Variants in SCFD1 observed in about 807,000 individuals in gnomAD.
The protein encoded by SCFD1 is sec1 family domain containing 1.
A neutral mutation model predicts 103.2 loss-of-function variants in SCFD1; 37 were observed. The observed-to-expected ratio is 0.36, with a 90% CI of 0.28 to 0.47. SCFD1 has a LOEUF of 0.47. SCFD1 is among the 20% of genes least tolerant of loss of function. The pLI, the probability that SCFD1 is intolerant of heterozygous loss-of-function variation, is 1.00. For missense variants in SCFD1, 639 were observed against 761.2 expected (o/e 0.84, Z 1.89); for synonymous variants, 264 against 245.0 (o/e 1.08, Z -0.73).
intron 23 of SCFD1, among the ~76,000 whole-genome samples, chr14:30,725,181 C>A (rs1335070624): frequency 2.6e-5 from 4 of 151,826 alleles, no homozygotes; most frequent in Non-Finnish European, 5.9e-5. Flanking sequence ...TTTTTTGATT[C>A]CATATGAATT....
intron 17 of SCFD1, among the ~76,000 whole-genome samples, chr14:30,702,678 C>T (rs1891162111): frequency 6.6e-6 from 1 of 151,990 alleles, no homozygotes; most frequent in South Asian, 2.1e-4. Flanking sequence ...TTTAATTTGA[C>T]TAGTAATCAA....
chr14:30,646,706 CT>C (rs1277747469), intron 7 of SCFD1, among the ~76,000 whole-genome samples: 1 of 152,088 alleles, frequency 6.6e-6, no homozygotes, highest in African/African-American at 2.4e-5. Context: ...GCCAGCTCTT[CT>C]TTGTATATCT....
rs1203299075 is a variant in SCFD1, at chr14:30,653,477, G to A, written c.756-12G>A. Reference sequence around the variant, plus strand: ...CAAGAGTTATGTAATTTTTTTATATGTATATTTACAGCTTCCAGAGGCCCT... The same window carrying A: ...CAAGAGTTATGTAATTTTTTTATATATATATTTACAGCTTCCAGAGGCCCT... On this transcript the variant is annotated splice_polypyrimidine_tract_variant and intron_variant, in intron 9 of 24. Coordinates refer to ENST00000458591, the MANE Select transcript of SCFD1 (RefSeq NM_016106.4). 1 of 1,565,250 alleles carries A rather than the reference G, an allele frequency of 6.4e-7. No homozygotes were observed. The highest frequency in any genetic ancestry group is 8.8e-7 in the Non-Finnish European group (1 of 1,138,566).
intron 13 of SCFD1, among the ~76,000 whole-genome samples, chr14:30,674,649 AAAG>A (rs954957679): frequency 5.9e-5 from 9 of 151,924 alleles, no homozygotes; most frequent in African/African-American, 1.9e-4. Context: ...GTCTCAAAAA[AAAG>A]AAGGAGGGAG....
rs988597183 is a variant in SCFD1 at position 30,725,441 on chromosome 14, T to C, written c.1836+2882T>C. On this transcript the variant is annotated intron_variant, in intron 23 of 24. Transcript: ENST00000458591. ...TTTCTTGGGTATTTTATTCTTTTTG[T>C]GGCAATTGTGAATGGGAGCTTCTTC... 5.3e-5 allele frequency among the ~76,000 whole-genome samples: 8 copies of C among 152,154 alleles called. No individual in the cohort carries two copies. In the South Asian group the frequency reaches 1.4e-3, roughly 28 times the overall value.
chr14:30,694,479 C>G (rs1425660439), intron 14 of SCFD1, among the ~76,000 whole-genome samples: 1 of 151,940 alleles, frequency 6.6e-6, no homozygotes, highest in Non-Finnish European at 1.5e-5. Flanking sequence ...TAAGACCAGC[C>G]TGCACAACAT....
chr14:30,683,842 A>G (rs1889699298), intron 14 of SCFD1, among the ~76,000 whole-genome samples: 2 of 152,214 alleles, frequency 1.3e-5, no homozygotes, highest in Non-Finnish European at 2.9e-5. Flanking sequence ...ATAACTCTTT[A>G]TTCCCTTCTT....
intron 3 of SCFD1, among the ~76,000 whole-genome samples, chr14:30,632,840 G>A (rs1884315467): frequency 1.3e-5 from 2 of 152,142 alleles, no homozygotes; most frequent in African/African-American, 4.8e-5. Flanking sequence ...ACAGAAGTGA[G>A]GCCTTACTCA....
chr14:30,629,545 A>G (rs995067118), intron 2 of SCFD1, among the ~76,000 whole-genome samples: 4 of 150,816 alleles, frequency 2.7e-5, no homozygotes, highest in African/African-American at 9.8e-5. Context: ...TATTTGATAG[A>G]CTAAGTCTAT....
intron 7 of SCFD1, among the ~76,000 whole-genome samples, chr14:30,646,272 C>T (rs535192402): frequency 1.1e-4 from 16 of 152,162 alleles, no homozygotes; most frequent in Non-Finnish European, 1.3e-4. Context: ...CCACCTGCCT[C>T]GGCCTCCCAA....
chr14:30,700,310 T>C, intron 16 of SCFD1, 52 bp downstream of exon 16: 1 of 1,101,410 alleles, frequency 9.1e-7, no homozygotes, highest in Non-Finnish European at 1.4e-6. Context: ...GTTTGTAGAC[T>C]ACTACAATTC....
At chr14:30,647,195 T>C (rs1295795305) in intron 7 of SCFD1, among the ~76,000 whole-genome samples, 1 of 152,208 alleles carries the variant, frequency 6.6e-6, no homozygotes, top group Non-Finnish European at 1.5e-5. Flanking sequence ...AATTTTAATT[T>C]TTTAGACACT....
chr14:30,650,430 A>AT (rs1341977521), intron 8 of SCFD1, 135 bp from the exon 9 acceptor site: 2 of 642,688 alleles, frequency 3.1e-6, no homozygotes, highest in Admixed American at 2.9e-5. Flanking sequence ...CGGAGCTAAA[A>AT]TATTTAGATA....
chr14:30,723,451 A>G (rs1318282804), intron 23 of SCFD1, among the ~76,000 whole-genome samples: 2 of 152,148 alleles, frequency 1.3e-5, no homozygotes, highest in Admixed American at 6.5e-5. Context: ...GTTTTGCTAC[A>G]TAGGTAAACT....
At chr14:30,694,907 A>G (rs765567376) in intron 15 of SCFD1, 38 bp downstream of exon 15, 1 of 1,562,642 alleles carries the variant, frequency 6.4e-7, no homozygotes, top group South Asian at 1.2e-5. Flanking sequence ...TAAGTTTCAT[A>G]TCTGACGAAA....
chr14:30,699,052 A>G (rs1331531632), intron 15 of SCFD1, among the ~76,000 whole-genome samples: 1 of 152,036 alleles, frequency 6.6e-6, no homozygotes, highest in Non-Finnish European at 1.5e-5. Context: ...GTACTGAATC[A>G]GGCTAATTAC....
At chr14:30,734,360 T>TA in intron 23 of SCFD1, 1 of 180,908 alleles carries the variant, frequency 5.5e-6, no homozygotes, top group East Asian at 1.3e-4. Flanking sequence ...ACTGTGTTGC[T>TA]CAAGTGAGAC....
chr14:30,656,676 G>C (rs1263804727), intron 10 of SCFD1, among the ~76,000 whole-genome samples: 1 of 152,060 alleles, frequency 6.6e-6, no homozygotes, highest in East Asian at 1.9e-4. Flanking sequence ...AAGAGTCTGG[G>C]AGTAGCAAGG....
At chr14:30,664,070 TC>T (rs1280278054) in intron 10 of SCFD1, among the ~76,000 whole-genome samples, 2 of 152,136 alleles carry the variant, frequency 1.3e-5, no homozygotes, top group African/African-American at 4.8e-5. Context: ...ACAGACTGCC[TC>T]CTCAAGTGGA....
Sources: allele counts gnomAD v4.1 joint callset (sites outside exome capture counted in the v4.1 genomes callset), GRCh38; gene constraint gnomAD v4.1.1; transcripts MANE v1.5; gene names NCBI Gene and HGNC (gene_info 2026-07-23, HGNC 2026-07-21).